The following PRSS12 variants were observed in gnomAD, a reference collection of about 807,000 sequenced individuals.
The protein encoded by PRSS12 is serine protease 12.
PRSS12 carries 85 observed loss-of-function variants against 104.4 expected under a neutral mutation model. The observed-to-expected ratio is 0.81, with a 90% CI of 0.68 to 0.98. PRSS12 has a LOEUF of 0.98. PRSS12 is among the 50% of genes least tolerant of loss of function. The pLI is 0.00. For synonymous variants in PRSS12, 454 were observed against 425.2 expected (o/e 1.07, Z -0.83); for missense variants, 1,141 against 1,139.2 (o/e 1.00, Z -0.02).
chr4:118,320,445 A>G (rs1723584034), intron 4 of PRSS12, among the ~76,000 whole-genome samples: 1 of 152,174 alleles, frequency 6.6e-6, no homozygotes, highest in African/African-American at 2.4e-5. Context: ...TCTAAAAGTT[A>G]ACACCTATTT....
intron 8 of PRSS12, 117 bp downstream of exon 8, chr4:118,308,319 T>G (rs1743609313): frequency 7.3e-7 from 1 of 1,362,238 alleles, no homozygotes; most frequent in Non-Finnish European, 1.0e-6. Flanking sequence ...ATGCTGCCAG[T>G]ATTTTCAAAT....
At chr4:118,321,308 T>C (rs1310521603) in intron 4 of PRSS12, among the ~76,000 whole-genome samples, 1 of 152,238 alleles carries the variant, frequency 6.6e-6, no homozygotes, top group Non-Finnish European at 1.5e-5. Context: ...TCAAAGTATG[T>C]CTATATGCCT....
intron 1 of PRSS12, among the ~76,000 whole-genome samples, chr4:118,342,351 C>T (rs1169813692): frequency 6.6e-6 from 1 of 152,104 alleles, no homozygotes; most frequent in Non-Finnish European, 1.5e-5. Context: ...AAGAATTGAT[C>T]CCTCACCTTC....
intron 6 of PRSS12, among the ~76,000 whole-genome samples, chr4:118,313,932 T>C (rs752496826): frequency 3.1e-4 from 47 of 152,250 alleles, no homozygotes; most frequent in African/African-American, 1.1e-3. Flanking sequence ...TCATAAGGTA[T>C]ACAAATTCAA....
chr4:118,347,733 GA>G (rs1177864624), intron 1 of PRSS12, among the ~76,000 whole-genome samples: 2 of 152,186 alleles, frequency 1.3e-5, no homozygotes, highest in African/African-American at 4.8e-5. Context: ...CCGTTGCCCA[GA>G]ATGGGGTGCA....
At chr4:118,300,806 G>T (rs1441163674) in intron 8 of PRSS12, among the ~76,000 whole-genome samples, 1 of 152,030 alleles carries the variant, frequency 6.6e-6, no homozygotes, top group African/African-American at 2.4e-5. Context: ...AATAGACAAA[G>T]AAATCATTTA....
In PRSS12 at chr4:118,281,774, T is replaced by C. The variant is rs1742862478; in HGVS notation, c.*162A>G. On this transcript the variant is annotated 3_prime_UTR_variant, in exon 13 of 13. Coordinates refer to ENST00000296498, the MANE Select transcript of PRSS12 (RefSeq NM_003619.4). Reference sequence around the variant, plus strand: ...TCCACTACACTGAGGCCTCTGAAAATGTTCACAAATTTCTCAAAAGCAGCA... The same window carrying C: ...TCCACTACACTGAGGCCTCTGAAAACGTTCACAAATTTCTCAAAAGCAGCA... 1.5e-6 allele frequency: 1 copy of C among 653,558 alleles called. No homozygotes were observed. Among genetic ancestry groups the C allele is most frequent in the Non-Finnish European group, 2.8e-6 (1 of 361,070 alleles). The allele number at this position is 653,558 out of a possible 1,614,324, so 40.5% of individuals were successfully genotyped here.
intron 8 of PRSS12, among the ~76,000 whole-genome samples, chr4:118,305,739 G>A (rs537697401): frequency 2.6e-5 from 4 of 152,120 alleles, no homozygotes; most frequent in East Asian, 3.9e-4. Flanking sequence ...TGTATTGTAC[G>A]GTAGATCTCT....
intron 11 of PRSS12, among the ~76,000 whole-genome samples, chr4:118,286,556 C>A (rs558620508): frequency 6.6e-6 from 1 of 152,294 alleles, no homozygotes; most frequent in African/African-American, 2.4e-5. Flanking sequence ...AAAGGCTTTT[C>A]AAGGGCAAGG....
intron 4 of PRSS12, among the ~76,000 whole-genome samples, chr4:118,323,763 C>CA (rs1054126360): frequency 1.8e-4 from 27 of 148,320 alleles, no homozygotes; most frequent in East Asian, 5.8e-4. Context: ...TTGCAATTTG[C>CA]AAAAAAAAAC....
At chr4:118,325,787 T>A (rs1723754335) in intron 4 of PRSS12, among the ~76,000 whole-genome samples, 1 of 152,084 alleles carries the variant, frequency 6.6e-6, no homozygotes, top group Non-Finnish European at 1.5e-5. Flanking sequence ...TCATCTGTAA[T>A]AAAAGCTCTA....
chr4:118,352,478 C>T lies in PRSS12; in HGVS notation c.243G>A (p.Gln81=). ...ALPAQRPHAL[Q]AGHTPRPHPW... is the part of the protein sequence containing the mutation. ...GGTGCGGCCGGGGCGTGTGCCCGGC[C>T]TGGAGGGCGTGCGGGCGCTGGGCAG... Residue 81 remains glutamine, a synonymous_variant, in exon 1 of 13, where the codon CAG becomes CAA. Coordinates refer to ENST00000296498, the MANE Select transcript of PRSS12 (RefSeq NM_003619.4). 2 of 1,383,276 alleles carry T rather than the reference C, an allele frequency of 1.4e-6. No homozygotes were observed. Among genetic ancestry groups the T allele is most frequent in the Non-Finnish European group, 1.9e-6 (2 of 1,075,546 alleles). The allele number at this position is 1,383,276 out of a possible 1,614,324, so 85.7% of individuals were successfully genotyped here. A position where few individuals can be genotyped will look rare whatever the true frequency, so the allele number is the denominator to read the frequency against.
chr4:118,344,184 G>A (rs528247281), intron 1 of PRSS12, among the ~76,000 whole-genome samples: 2 of 152,054 alleles, frequency 1.3e-5, no homozygotes, highest in Admixed American at 6.5e-5. Flanking sequence ...ATTACATGTT[G>A]AACAATTTAG....
chr4:118,347,834 A>G (rs758623888), intron 1 of PRSS12, among the ~76,000 whole-genome samples: 5 of 152,226 alleles, frequency 3.3e-5, no homozygotes, highest in Non-Finnish European at 4.4e-5. Flanking sequence ...GATTTCAGGC[A>G]TGAGCCACCA....
intron 8 of PRSS12, among the ~76,000 whole-genome samples, chr4:118,300,374 A>G (rs1289989735): frequency 6.6e-6 from 1 of 152,090 alleles, no homozygotes; most frequent in Non-Finnish European, 1.5e-5. Flanking sequence ...TGGCAGATTT[A>G]CTTTTAGTTT....
At chr4:118,291,082 C>T (rs1297321835) in intron 11 of PRSS12, among the ~76,000 whole-genome samples, 1 of 151,634 alleles carries the variant, frequency 6.6e-6, no homozygotes, top group Non-Finnish European at 1.5e-5. Flanking sequence ...TTGCCTTACC[C>T]CCTCAGATAT....
chr4:118,304,539 A>T (rs1056500853), intron 8 of PRSS12, among the ~76,000 whole-genome samples: 1 of 151,942 alleles, frequency 6.6e-6, no homozygotes, highest in African/African-American at 2.4e-5. Flanking sequence ...AATTTTTAAA[A>T]TTTTTTTAAG....
chr4:118,339,708 C>A (rs1282147418), intron 1 of PRSS12, among the ~76,000 whole-genome samples: 1 of 152,114 alleles, frequency 6.6e-6, no homozygotes, highest in Non-Finnish European at 1.5e-5. Context: ...GGAAGTCCTG[C>A]CTAGCTCAGT....
intron 5 of PRSS12, among the ~76,000 whole-genome samples, chr4:118,316,837 A>AAATATATATATATATATATATATATATAT (rs35698159): frequency 1.0e-5 from 1 of 99,194 alleles, no homozygotes; most frequent in Non-Finnish European, 2.0e-5. Flanking sequence ...AAAAAAAAAA[A>AAATATATATATATATATATATATATATAT]ATATATATAT....
Sources: allele counts gnomAD v4.1 joint callset (sites outside exome capture counted in the v4.1 genomes callset), GRCh38; gene constraint gnomAD v4.1.1; transcripts MANE v1.5; gene names NCBI Gene and HGNC (gene_info 2026-07-23, HGNC 2026-07-21).